Variants in GIMAP5 observed in about 807,000 individuals in gnomAD.
The protein encoded by GIMAP5 is GTPase, IMAP family member 5, also known as GTPase IMAP family member 5.
In GIMAP5, 8 loss-of-function variants were observed where a neutral mutation model predicts 9.9. That is an observed-to-expected ratio of 0.81 (90% CI 0.47 to 1.45). The LOEUF is 1.45. Among genes scored for constraint, GIMAP5 ranks in the 40% most tolerant of loss-of-function variants. GIMAP5 has a pLI of 0.00. For missense variants in GIMAP5, 353 were observed against 367.4 expected (o/e 0.96, Z 0.32); for synonymous variants, 174 against 151.4 (o/e 1.15, Z -1.09).
intron 1 of GIMAP5, chr7:150,738,410 G>A (rs926647288): frequency 3.9e-5 from 6 of 152,444 alleles, no homozygotes; most frequent in African/African-American, 1.4e-4. Flanking sequence ...ATGGGCTGGG[G>A]CAGATGGGTG....
Position 150,742,964 on chromosome 7 carries a change from C to A in GIMAP5, c.825C>A (p.Val275=). The part of the protein sequence containing the change: ...SNWAYKALLR[V]KHLMLLHYEI... ...GGGCATACAAGGCGCTCCTCAGAGT[C>A]AAACACTTGATGCTTTTGCATTATG... The change falls in exon 3 of 3, where the codon GTC becomes GTA. Residue 275 remains valine, a synonymous_variant. Transcript: ENST00000358647. 6.2e-7 allele frequency: 1 copy of A among 1,614,206 alleles called. No homozygotes were observed. Among genetic ancestry groups the A allele is most frequent in the Non-Finnish European group, 8.5e-7 (1 of 1,180,042 alleles).
chr7:150,738,061 G>C, intron 1 of GIMAP5: 1 of 276,754 alleles, frequency 3.6e-6, no homozygotes, highest in Non-Finnish European at 6.9e-6. Flanking sequence ...GCTCCCAGAG[G>C]GTGATAGGCT....
At position 150,740,900 on chromosome 7, in the gene GIMAP5, A is replaced by C; in HGVS notation, c.16A>C (p.Arg6=). Residue 6 remains arginine, a synonymous_variant, in exon 2 of 3, where the codon AGG becomes CGG. Coordinates refer to ENST00000358647, the MANE Select transcript of GIMAP5 (RefSeq NM_018384.5). ...CCAGGAGAGAATGGGAGGATTCCAG[A>C]GGGGCAAATATGGAACTATGGCTGA... MGGFQ[R]GKYGTMAEGR... 1 of 1,614,080 alleles carries C rather than the reference A, an allele frequency of 6.2e-7. No homozygotes were observed. Among genetic ancestry groups the C allele is most frequent in the Non-Finnish European group, 8.5e-7 (1 of 1,179,952 alleles).
At position 150,740,588 on chromosome 7, in the gene GIMAP5, G is replaced by C. The variant is rs1454683993; in HGVS notation, c.-6-291G>C. 9.9e-6 allele frequency: 3 copies of C among 303,716 alleles called. No homozygotes were observed. The Admixed American group carries it at 1.4e-4, about 15-fold the overall frequency. 18.8% of individuals were successfully genotyped at this position (303,716 alleles called of 1,614,324 possible). On this transcript the variant is annotated intron_variant, in intron 1 of 2. Coordinates refer to ENST00000358647, the MANE Select transcript of GIMAP5 (RefSeq NM_018384.5). ...TGCTTTCTCCATTTCATGCCTTTCT[G>C]GTTGGGGGAGATAATCAACTGATTT...
At position 150,742,227 on chromosome 7, in the gene GIMAP5, A is replaced by T. The variant is rs1273150633; in HGVS notation, c.88A>T (p.Ile30Phe). ...NLSATPPALRIILVGKTGCGK... is the reference protein window; with the variant it reads ...NLSATPPALRFILVGKTGCGK... ...GTCTGCAACACCACCGGCATTGAGGATTATCCTAGTGGGCAAAACAGGCTG... is the reference window on the plus strand; with the variant it reads ...GTCTGCAACACCACCGGCATTGAGGTTTATCCTAGTGGGCAAAACAGGCTG... The change falls in exon 3 of 3, where the codon ATT becomes TTT. Residue 30 changes from isoleucine to phenylalanine, a missense_variant. Physicochemically the swap from Ile to Phe is conservative, Grantham distance 21 (BLOSUM62 0). Coordinates refer to ENST00000358647, the MANE Select transcript of GIMAP5 (RefSeq NM_018384.5). 1.9e-6 allele frequency: 3 copies of T among 1,614,226 alleles called. No homozygotes were observed. Among genetic ancestry groups the T allele is most frequent in the Admixed American group, 3.3e-5 (2 of 60,030 alleles).
At position 150,742,615 on chromosome 7, in the gene GIMAP5, AG is replaced by A. The variant is rs1797617319; in HGVS notation, c.478del (p.Ala160ProfsTer6). 6.2e-7 allele frequency: 1 copy of A among 1,614,098 alleles called. No homozygotes were observed. The highest frequency in any genetic ancestry group is 1.1e-5 in the South Asian group (1 of 91,086). ...LFTHKEDLGG[Q>X]ALDDYVANTD... ...ACCCACAAAGAGGACTTAGGGGGCC[AG>A]GCCCTGGATGACTATGTAGCAAACA... On this transcript the variant is annotated frameshift_variant, in exon 3 of 3. Transcript: ENST00000358647. LOFTEE classifies it low-confidence loss of function (END_TRUNC).
chr7:150,743,570 C>T lies in GIMAP5; in HGVS notation c.*507C>T, dbSNP rs1273277380. 1 of 153,690 alleles carries T rather than the reference C, an allele frequency of 6.5e-6. No homozygotes were observed. The highest frequency in any genetic ancestry group is 2.4e-5 in the African/African-American group (1 of 41,476). 9.5% of individuals were successfully genotyped at this position (153,690 alleles called of 1,614,324 possible). ...GTTGTATTAGCCAATAGATTTCCTACTTATTTAAGCTATTTGAGCTCCGGG... is the reference window on the plus strand; with the variant it reads ...GTTGTATTAGCCAATAGATTTCCTATTTATTTAAGCTATTTGAGCTCCGGG... On this transcript the variant is annotated 3_prime_UTR_variant, in exon 3 of 3. Coordinates refer to ENST00000358647, the MANE Select transcript of GIMAP5 (RefSeq NM_018384.5).
Position 150,742,795 on chromosome 7 carries a change from A to G in GIMAP5, c.656A>G (p.His219Arg), listed in dbSNP as rs1286436319. 1 of 1,614,164 alleles carries G rather than the reference A, an allele frequency of 6.2e-7. No homozygotes were observed. ...RLGREREGSF[H>R]SNDLFLDAQL... The stretch of plus-strand genomic sequence containing the variant: ...GGGAGGGAGCGAGAGGGCTCCTTCC[A>G]CAGCAATGACCTCTTCTTGGATGCC... The change falls in exon 3 of 3, where the codon CAC (histidine) becomes CGC (arginine). Residue 219 changes from histidine to arginine, a missense_variant. His to Arg is a conservative substitution (Grantham distance 29). Transcript: ENST00000358647.
Position 150,737,473 on chromosome 7 carries a change from A to G in GIMAP5, c.-242A>G. 6.6e-7 allele frequency: 1 copy of G among 1,507,286 alleles called. No homozygotes were observed. The highest frequency in any genetic ancestry group is 8.9e-7 in the Non-Finnish European group (1 of 1,121,278). 93.4% of individuals were successfully genotyped at this position (1,507,286 alleles called of 1,614,324 possible). On this transcript the variant is annotated 5_prime_UTR_variant, in exon 1 of 3. Transcript: ENST00000358647. ...TAGTCCGCAGAGGTGTGGGGGACAC[A>G]CTCCATAATCTCTACTTTTCTTTTT... is the stretch of plus-strand genomic sequence containing the variant.
rs1416252347 is a variant in GIMAP5, at chr7:150,742,962, G to A, written c.823G>A (p.Val275Ile). ...SNWAYKALLR[V>I]KHLMLLHYEI... Reference sequence around the variant, plus strand: ...CTGGGCATACAAGGCGCTCCTCAGAGTCAAACACTTGATGCTTTTGCATTA... The same window carrying A: ...CTGGGCATACAAGGCGCTCCTCAGAATCAAACACTTGATGCTTTTGCATTA... The change falls in exon 3 of 3, where the codon GTC (valine) becomes ATC (isoleucine). Residue 275 changes from valine (V) to isoleucine (I), a missense_variant. Val to Ile is a conservative substitution (Grantham distance 29). Coordinates refer to ENST00000358647, the MANE Select transcript of GIMAP5 (RefSeq NM_018384.5). The A allele has an allele frequency of 6.2e-7, 1 of 1,614,214 alleles. No individual in the cohort carries two copies. The highest frequency in any genetic ancestry group is 8.5e-7 in the Non-Finnish European group (1 of 1,180,038).
In GIMAP5 at chr7:150,737,595, C is replaced by A. The variant is rs1175432176; in HGVS notation, c.-120C>A. 2.6e-6 allele frequency: 4 copies of A among 1,535,590 alleles called. No individual in the cohort carries two copies. The East Asian group carries it at 9.8e-5, about 38-fold the overall frequency. ...CAGCCCTGTGAACAGCATCCCCGCA[C>A]ACAGACGCAGAGCAGGACTCTCTCT... On this transcript the variant is annotated 5_prime_UTR_variant, in exon 1 of 3. Coordinates refer to ENST00000358647, the MANE Select transcript of GIMAP5 (RefSeq NM_018384.5).
intron 2 of GIMAP5, among the ~76,000 whole-genome samples, chr7:150,741,487 T>C (rs1402408101): frequency 6.6e-6 from 1 of 152,224 alleles, no homozygotes; most frequent in East Asian, 1.9e-4. Context: ...TTTTGTGTGC[T>C]TCAATCAGCC....
rs1297481759 is a variant in GIMAP5, at chr7:150,742,062, C to T, written c.44-121C>T. 7 of 1,209,222 alleles carry T rather than the reference C, an allele frequency of 5.8e-6. No individual in the cohort carries two copies. In the Admixed American group the frequency reaches 1.2e-4, roughly 21 times the overall value. The allele number at this position is 1,209,222 out of a possible 1,614,324, so 74.9% of individuals were successfully genotyped here. The stretch of plus-strand genomic sequence containing the variant: ...AGTTGTATGCACACTTTTATGTACA[C>T]ATAAATATGTCTGTCATTCTGGGGA... On this transcript the variant is annotated intron_variant, in intron 2 of 2. Coordinates refer to ENST00000358647, the MANE Select transcript of GIMAP5 (RefSeq NM_018384.5).
rs763203908 is a variant in GIMAP5, at chr7:150,737,702, G to A, written c.-13G>A. On this transcript the variant is annotated 5_prime_UTR_variant, in exon 1 of 3. Coordinates refer to ENST00000358647, the MANE Select transcript of GIMAP5 (RefSeq NM_018384.5). ...CCCTGGAGGACAGGGCACAACAACC[G>A]TTTCTGGTAAGGAGAACTGGGTTTA... 1.4e-5 allele frequency: 22 copies of A among 1,535,174 alleles called. No individual in the cohort carries two copies. Among genetic ancestry groups the A allele is most frequent in the African/African-American group, 1.4e-4 (10 of 73,030 alleles).
intron 1 of GIMAP5, chr7:150,739,870 A>G (rs1174214427): frequency 2.0e-5 from 3 of 152,258 alleles, no homozygotes; most frequent in Admixed American, 2.0e-4. Context: ...AAAATGTGGA[A>G]AAGATAGAAA....
rs79548118 is a variant in GIMAP5, at chr7:150,737,874, G to T, written c.-7+166G>T. 0.013 allele frequency: 7,798 copies of T among 622,528 alleles called. 604 individuals carry two copies. In the Admixed American group the frequency reaches 0.15, roughly 12 times the overall value. 38.6% of individuals were successfully genotyped at this position (622,528 alleles called of 1,614,324 possible). A position where few individuals can be genotyped will look rare whatever the true frequency, so the allele number is the denominator to read the frequency against. ...TGATGAGTGTTGCGGGCATCAGCAG[G>T]TGCACAGCTGGTGGAGCACAGCCTG... On this transcript the variant is annotated intron_variant, in intron 1 of 2. Transcript: ENST00000358647.
At chr7:150,737,827 G>A in intron 1 of GIMAP5, 119 bp downstream of exon 1, 1 of 826,416 alleles carries the variant, frequency 1.2e-6, no homozygotes, top group Admixed American at 2.3e-5. Context: ...TGGGTTCGCT[G>A]GTCAGTAAAA....
At position 150,740,823 on chromosome 7, in the gene GIMAP5, T is replaced by G; in HGVS notation, c.-6-56T>G. 3 of 1,578,644 alleles carry G rather than the reference T, an allele frequency of 1.9e-6. No homozygotes were observed. The East Asian group carries it at 6.7e-5, about 35-fold the overall frequency. On this transcript the variant is annotated intron_variant, in intron 1 of 2. Coordinates refer to ENST00000358647, the MANE Select transcript of GIMAP5 (RefSeq NM_018384.5). Reference sequence around the variant, plus strand: ...TGTCTGAATTGAGGTGCCCTCAGGCTCTACCAGCTCCCAAACGTACATCTG... The same window carrying G: ...TGTCTGAATTGAGGTGCCCTCAGGCGCTACCAGCTCCCAAACGTACATCTG...
chr7:150,737,712 A>C lies in GIMAP5; in HGVS notation c.-7+4A>C, dbSNP rs1025335863. ...CAGGGCACAACAACCGTTTCTGGTAAGGAGAACTGGGTTTATGCTCACAGA... is the reference window on the plus strand; with the variant it reads ...CAGGGCACAACAACCGTTTCTGGTACGGAGAACTGGGTTTATGCTCACAGA... On this transcript the variant is annotated splice_donor_region_variant and intron_variant, in intron 1 of 2. Transcript: ENST00000358647. 2.6e-6 allele frequency: 4 copies of C among 1,534,476 alleles called. No homozygotes were observed. In the South Asian group the frequency reaches 4.8e-5, roughly 18 times the overall value.
Sources: gnomAD v4.1 joint callset for allele counts (sites outside exome capture counted in the v4.1 genomes callset) on GRCh38, gnomAD v4.1.1 for gene constraint, MANE v1.5 for transcripts, NCBI Gene and HGNC (gene_info 2026-07-23, HGNC 2026-07-21) for gene names.